Variants in DPRX observed in about 807,000 individuals in gnomAD.
DPRX encodes divergent-paired related homeobox, also known as divergent paired-related homeobox.
DPRX carries 11 observed loss-of-function variants against 8.4 expected under a neutral mutation model. That is an observed-to-expected ratio of 1.31 (90% CI 0.82 to 2.17). The LOEUF is 2.17. Among genes scored for constraint, DPRX ranks in the 30% most tolerant of loss-of-function variants. DPRX has a pLI of 0.00. For synonymous variants in DPRX, 72 were observed against 87.0 expected (o/e 0.83, Z 0.96); for missense variants, 211 against 236.7 (o/e 0.89, Z 0.71).
At chr19:53,620,238 T>G in the DPRX span, among the ~76,000 whole-genome samples, 18,030 of 151,748 alleles carry the variant, frequency 0.12, 1,490 homozygotes, top group East Asian at 0.44. Context: ...CCCGGCTGTT[T>G]TTTTGTATTT....
the DPRX span, among the ~76,000 whole-genome samples, chr19:53,615,323 C>T: frequency 6.6e-6 from 1 of 151,964 alleles, no homozygotes; most frequent in Admixed American, 6.6e-5. Context: ...CTCTGTCACT[C>T]AGGCTGGAGT....
At chr19:53,603,603 A>G in the DPRX span, 1 of 335,484 alleles carries the variant, frequency 3.0e-6, no homozygotes, top group East Asian at 7.6e-5. Flanking sequence ...ATCCAACATC[A>G]GAGAGCCTAA....
At chr19:53,636,610 T>G (rs1277584412) in exon 3 of DPRX, 5 of 1,610,974 alleles carry the variant, frequency 3.1e-6, no homozygotes, top group Non-Finnish European at 4.2e-6. Context: ...GGTTCAAGAA[T>G]CACAGAGCAA....
the DPRX span, among the ~76,000 whole-genome samples, chr19:53,623,126 G>T: frequency 6.7e-6 from 1 of 150,268 alleles, no homozygotes; most frequent in Non-Finnish European, 1.5e-5. Context: ...TAACATGGTG[G>T]AACCCTGTAT....
the DPRX span, chr19:53,616,957 G>A: frequency 2.4e-6 from 3 of 1,268,364 alleles, no homozygotes; most frequent in Non-Finnish European, 3.5e-6. Context: ...CGTTTATGAT[G>A]TTACGGTTGA....
At chr19:53,634,116 A>G (rs1289600662) in intron 1 of DPRX, among the ~76,000 whole-genome samples, 7 of 152,110 alleles carry the variant, frequency 4.6e-5, no homozygotes, top group Non-Finnish European at 1.0e-4. Flanking sequence ...GACCCCGGCC[A>G]GCAGTGTCTC....
the DPRX span, among the ~76,000 whole-genome samples, chr19:53,620,260 A>G: frequency 1.7e-3 from 261 of 151,754 alleles, 1 homozygote; most frequent in East Asian, 0.015. Flanking sequence ...TAGTAGAGAC[A>G]GGGTTTCACC....
chr19:53,630,973 A>T (rs2091090405), upstream of DPRX, among the ~76,000 whole-genome samples: 1 of 151,504 alleles, frequency 6.6e-6, no homozygotes, highest in Non-Finnish European at 1.5e-5. Context: ...CAGCCTCCTG[A>T]GTAGCTGGGA....
chr19:53,617,578 A>G, the DPRX span, among the ~76,000 whole-genome samples: 2 of 132,652 alleles, frequency 1.5e-5, no homozygotes, highest in African/African-American at 2.7e-5. Flanking sequence ...AAAAAAAAGA[A>G]AAAAAAAAAG....
chr19:53,627,705 C>T (rs1432219892), upstream of DPRX, among the ~76,000 whole-genome samples: 1 of 148,054 alleles, frequency 6.8e-6, no homozygotes, highest in Non-Finnish European at 1.5e-5. Context: ...TCCCAAAGTG[C>T]TGGGAGTACA....
the DPRX span, among the ~76,000 whole-genome samples, chr19:53,603,886 C>T: frequency 6.6e-6 from 1 of 151,800 alleles, no homozygotes; most frequent in Non-Finnish European, 1.5e-5. Context: ...GCTGGGATTA[C>T]AGGAGACCAC....
chr19:53,621,171 C>T, the DPRX span, among the ~76,000 whole-genome samples: 4 of 151,974 alleles, frequency 2.6e-5, no homozygotes, highest in East Asian at 1.9e-4. Flanking sequence ...CTCACTGTGT[C>T]ACCCAGGCTA....
chr19:53,618,473 T>TA, the DPRX span, among the ~76,000 whole-genome samples: 2 of 150,996 alleles, frequency 1.3e-5, no homozygotes. Context: ...TAAGAAAAAA[T>TA]AAAAAATAAA....
the DPRX span, among the ~76,000 whole-genome samples, chr19:53,624,079 CTTTTTT>C: frequency 3.6e-4 from 34 of 93,284 alleles, no homozygotes; most frequent in Admixed American, 9.1e-4. Context: ...ATTGTTGTAC[CTTTTTT>C]TTTTTTTTTT....
the DPRX span, among the ~76,000 whole-genome samples, chr19:53,614,384 A>G: frequency 6.6e-6 from 1 of 152,142 alleles, no homozygotes; most frequent in African/African-American, 2.4e-5. Context: ...ACTGCACTCC[A>G]GCCTGGGTGA....
At chr19:53,629,857 C>T (rs935158052), upstream of DPRX, 1 of 151,128 alleles carries the variant, frequency 6.6e-6, no homozygotes, top group Non-Finnish European at 1.5e-5. Flanking sequence ...GGTGACCTCC[C>T]ACCAGGTTGC....
chr19:53,619,656 CAA>C, the DPRX span, among the ~76,000 whole-genome samples: 6 of 135,514 alleles, frequency 4.4e-5, no homozygotes, highest in Admixed American at 1.5e-4. Flanking sequence ...GCCTGGGCGA[CAA>C]GAGTGAAACT....
chr19:53,626,013 T>C, the DPRX span, among the ~76,000 whole-genome samples: 150 of 152,202 alleles, frequency 9.9e-4, 1 homozygote, highest in African/African-American at 3.5e-3. Context: ...CTCGGCTCAC[T>C]GCAACATCTG....
At chr19:53,602,269 TGTGTGTGTG>T in the DPRX span, 3 of 68,906 alleles carry the variant, frequency 4.4e-5, no homozygotes, top group Admixed American at 1.7e-4. Flanking sequence ...TGGGTATGGG[TGTGTGTGTG>T]TGTGTGTGTG....
Sources: allele counts gnomAD v4.1 joint callset (sites outside exome capture counted in the v4.1 genomes callset), GRCh38; gene constraint gnomAD v4.1.1; transcripts MANE v1.5; gene names NCBI Gene and HGNC (gene_info 2026-07-23, HGNC 2026-07-21).